SPOCK2: variants seen among roughly 807,000 people sequenced by gnomAD.
SPOCK2 encodes the protein SPARC (osteonectin), cwcv and kazal like domains proteoglycan 2.
Under a neutral mutation model 60.1 loss-of-function variants are expected in SPOCK2, and 39 were observed. The ratio of observed to expected loss-of-function variants is 0.65; its 90% CI spans 0.50 to 0.85. The LOEUF (loss-of-function observed/expected upper bound fraction) is 0.85, where lower values mean the gene tolerates loss of function less well. Among genes scored for constraint, SPOCK2 ranks in the 40% least tolerant of loss-of-function variants. The pLI is 0.00. For synonymous variants in SPOCK2, 217 were observed against 231.5 expected, an observed-to-expected ratio of 0.94 and a Z score of 0.57; for missense variants, 523 against 567.4, an observed-to-expected ratio of 0.92 and a Z score of 0.80.
chr10:72,086,797 G>A, intron 1 of SPOCK2: 1 of 1,512,320 alleles, frequency 6.6e-7, no homozygotes. Context: ...TGACTTTGGG[G>A]AGAAACAGTC....
In SPOCK2 at chr10:72,065,162, A is replaced by G. The variant is rs1840551655; in HGVS notation, c.929-922T>C. Reference sequence around the variant, plus strand: ...GTGATTCTCCTGCCTCAGCCTCCCAAGTAGCTGAGATTACAGGCACCTGCC... The same window carrying G: ...GTGATTCTCCTGCCTCAGCCTCCCAGGTAGCTGAGATTACAGGCACCTGCC... On this transcript the variant is annotated intron_variant, in intron 8 of 10. Coordinates refer to ENST00000373109, the MANE Select transcript of SPOCK2 (RefSeq NM_001244950.2). 1.6e-5 allele frequency among the ~76,000 whole-genome samples: 2 copies of G among 127,898 alleles called. 1 individual carries two copies. The highest frequency in any genetic ancestry group is 3.8e-5 in the Non-Finnish European group (2 of 53,124). The allele number at this position is 127,898 out of a possible 152,430, so 83.9% of individuals were successfully genotyped here.
chr10:72,059,713 C>CA lies in SPOCK2; in HGVS notation c.*3046dup, dbSNP rs1229441488. 5 of 152,714 alleles carry CA rather than the reference C, an allele frequency of 3.3e-5. No individual in the cohort carries two copies. Among genetic ancestry groups the CA allele is most frequent in the Non-Finnish European group, 7.3e-5 (5 of 68,138 alleles). 9.5% of individuals were successfully genotyped at this position (152,714 alleles called of 1,614,324 possible). ...GGAGTGAAGGGGGGTGACCACCCCCCACGTGTGGGACAACAGGGGGCAGTC... is the reference window on the plus strand; with the variant it reads ...GGAGTGAAGGGGGGTGACCACCCCCCAACGTGTGGGACAACAGGGGGCAGTC... On this transcript the variant is annotated 3_prime_UTR_variant, in exon 11 of 11. Coordinates refer to ENST00000373109, the MANE Select transcript of SPOCK2 (RefSeq NM_001244950.2).
At chr10:72,076,745 C>T (rs1334882975) in intron 1 of SPOCK2, among the ~76,000 whole-genome samples, 2 of 152,194 alleles carry the variant, frequency 1.3e-5, no homozygotes, top group African/African-American at 4.8e-5. Flanking sequence ...AGTAAGTTCT[C>T]TCCAGGCATT....
In SPOCK2 at chr10:72,059,971, A is replaced by G. The variant is rs1840470405; in HGVS notation, c.*2789T>C. On this transcript the variant is annotated 3_prime_UTR_variant, in exon 11 of 11. Transcript: ENST00000373109. Reference sequence around the variant, plus strand: ...AAACCGTTCTTTGAACACATGGTTAAGCTTCTTCCAGCATGGCCCTAATTC... The same window carrying G: ...AAACCGTTCTTTGAACACATGGTTAGGCTTCTTCCAGCATGGCCCTAATTC... 6.6e-6 allele frequency: 1 copy of G among 152,648 alleles called. No individual in the cohort carries two copies. Among genetic ancestry groups the G allele is most frequent in the Admixed American group, 6.5e-5 (1 of 15,280 alleles). 9.5% of individuals were successfully genotyped at this position (152,648 alleles called of 1,614,324 possible).
intron 6 of SPOCK2, 100 bp from the exon 7 acceptor site, chr10:72,067,832 G>A (rs1004874721): frequency 7.3e-5 from 110 of 1,506,714 alleles, no homozygotes; most frequent in Non-Finnish European, 8.6e-5. Flanking sequence ...GGCTGGGCAG[G>A]GGTCCGGGAG....
chr10:72,067,145 C>T (rs377183664), intron 7 of SPOCK2, 25 bp from the exon 8 acceptor site: 91 of 1,600,866 alleles, frequency 5.7e-5, no homozygotes, highest in Middle Eastern at 3.8e-4. Context: ...GGTTCAGGCA[C>T]GCTTCATCTG....
Position 72,062,928 on chromosome 10 carries a change from G to C in SPOCK2, c.1130-23C>G, listed in dbSNP as rs763492916. On this transcript the variant is annotated intron_variant, in intron 10 of 10. Coordinates refer to ENST00000373109, the MANE Select transcript of SPOCK2 (RefSeq NM_001244950.2). This position sits in a 1 kb window ranked among gnomAD's most constrained non-coding sequence, Gnocchi z 4.3. ...CATCTGTGAGGGGATCAAGCCAACA[G>C]GGGGTGAGGGAGCTTCTGGCACGCA... The C allele has an allele frequency of 6.3e-7, 1 of 1,595,106 alleles. No homozygotes were observed.
chr10:72,064,691 G>A (rs1840543703), intron 8 of SPOCK2, among the ~76,000 whole-genome samples: 1 of 152,040 alleles, frequency 6.6e-6, no homozygotes, highest in Non-Finnish European at 1.5e-5. Flanking sequence ...TATTTTTACT[G>A]TACCTTTTCT....
At chr10:72,068,324 C>G in intron 5 of SPOCK2, 23 bp from the exon 6 acceptor site, 1 of 1,587,448 alleles carries the variant, frequency 6.3e-7, no homozygotes, top group Non-Finnish European at 8.6e-7. Context: ...AAAGGTGGAA[C>G]AGGGGACTGA....
At chr10:72,081,898 T>C (rs1840788913) in intron 1 of SPOCK2, among the ~76,000 whole-genome samples, 1 of 152,134 alleles carries the variant, frequency 6.6e-6, no homozygotes. Context: ...GAGAACGGGC[T>C]GGATGAGATC....
At chr10:72,086,408 T>TA (rs1310822021) in intron 1 of SPOCK2, 1 of 1,003,064 alleles carries the variant, frequency 1.0e-6, no homozygotes, top group East Asian at 1.1e-4. Flanking sequence ...TCTTTTATTT[T>TA]AAACCTTTCC....
At chr10:72,086,566 C>T (rs1169530827) in intron 1 of SPOCK2, 2 of 1,143,562 alleles carry the variant, frequency 1.7e-6, no homozygotes, top group African/African-American at 3.4e-5. Context: ...CTGCTGTGGC[C>T]GGGCTGCTGC....
intron 8 of SPOCK2, among the ~76,000 whole-genome samples, chr10:72,065,703 C>T (rs1840558839): frequency 6.6e-6 from 1 of 152,172 alleles, no homozygotes; most frequent in South Asian, 2.1e-4. Flanking sequence ...ATGGAGTGGC[C>T]TTCAAAGGCC....
intron 1 of SPOCK2, among the ~76,000 whole-genome samples, chr10:72,077,555 G>A (rs1589123551): frequency 6.6e-6 from 1 of 152,168 alleles, no homozygotes; most frequent in Non-Finnish European, 1.5e-5. Flanking sequence ...AGACCACTGG[G>A]CCAGCCATCA....
At chr10:72,067,538 G>A (rs899123663) in intron 7 of SPOCK2, 75 bp downstream of exon 7, 3 of 1,590,936 alleles carry the variant, frequency 1.9e-6, no homozygotes, top group Non-Finnish European at 2.6e-6. Flanking sequence ...GGGCAGACTG[G>A]CCCAGCATAC....
chr10:72,070,815 A>G (rs1840637759), intron 4 of SPOCK2, among the ~76,000 whole-genome samples: 1 of 151,664 alleles, frequency 6.6e-6, no homozygotes, highest in South Asian at 2.1e-4. Flanking sequence ...TTTTTTTTTA[A>G]TTGAGTTATT....
rs999442026 is a variant in SPOCK2, at chr10:72,072,410, T to G, written c.244+93A>C. On this transcript the variant is annotated intron_variant, in intron 3 of 10. Transcript: ENST00000373109. ...CCCATCCCCACCGGGGCCTGGCTGC[T>G]CAAGGAGCCCCCAAGCGGGCTAAGG... 6 of 1,578,612 alleles carry G rather than the reference T, an allele frequency of 3.8e-6. No individual in the cohort carries two copies. In the African/African-American group the frequency reaches 8.1e-5, roughly 21 times the overall value.
intron 1 of SPOCK2, among the ~76,000 whole-genome samples, chr10:72,080,864 C>T (rs1840774382): frequency 6.6e-6 from 1 of 152,112 alleles, no homozygotes; most frequent in Non-Finnish European, 1.5e-5. Context: ...CACCTGCTGC[C>T]CGGGCCCTGA....
rs73273226 is a variant in SPOCK2, at chr10:72,074,042, G to A, written c.190-1132C>T. On this transcript the variant is annotated intron_variant, in intron 1 of 10. Coordinates refer to ENST00000373109, the MANE Select transcript of SPOCK2 (RefSeq NM_001244950.2). ...GGGGGAGAGGGGCATGAGAAGCTAC[G>A]CGCAGCTGCCCCCTTCATCCTGAGT... Among the ~76,000 whole-genome samples, 499 of 151,176 alleles carry A rather than the reference G, an allele frequency of 3.3e-3. 3 individuals are homozygous for A. Among genetic ancestry groups the A allele is most frequent in the African/African-American group, 0.012 (474 of 40,534 alleles).
Sources: gnomAD v4.1 joint callset for allele counts (sites outside exome capture counted in the v4.1 genomes callset) on GRCh38, gnomAD v4.1.1 for gene constraint, Gnocchi (gnomAD v3.1) non-coding constraint, MANE v1.5 for transcripts, NCBI Gene and HGNC (gene_info 2026-07-23, HGNC 2026-07-21) for gene names.